The following KLF13 variants were observed in gnomAD, a reference collection of about 807,000 sequenced individuals.
KLF13 encodes Krueppel-like factor 13.
KLF13 carries 8 observed loss-of-function variants against 16.7 expected under a neutral mutation model. The ratio of observed to expected loss-of-function variants is 0.48; its 90% CI spans 0.28 to 0.87. The LOEUF (loss-of-function observed/expected upper bound fraction) is 0.87, where lower values mean the gene tolerates loss of function less well. Ranked by LOEUF, KLF13 falls within the 40% of genes least tolerant of loss-of-function variation. The pLI is 0.10. For synonymous variants in KLF13, 245 were observed against 208.4 expected (o/e 1.18, Z -1.51); for missense variants, 447 against 452.2 (o/e 0.99, Z 0.10).
chr15:31,371,100 G>A (rs753922940), intron 1 of KLF13, among the ~76,000 whole-genome samples: 23 of 152,174 alleles, frequency 1.5e-4, no homozygotes, highest in Non-Finnish European at 2.5e-4. Context: ...AGAAGGGCTC[G>A]TTTCTGGGGT....
chr15:31,335,553 G>A (rs1292545267), intron 1 of KLF13, among the ~76,000 whole-genome samples: 1 of 151,896 alleles, frequency 6.6e-6, no homozygotes, highest in African/African-American at 2.4e-5. Context: ...ACCAGTCCCT[G>A]GTTTTTACCA....
At chr15:31,403,627 G>A (rs1416148388) in exon 3 of KLF13, 1 of 152,262 alleles carries the variant, frequency 6.6e-6, no homozygotes, top group Non-Finnish European at 1.5e-5. Flanking sequence ...GGGAATGGAA[G>A]TCACACAAGG....
chr15:31,419,427 A>G (rs1248928391), intron 1 of KLF13, among the ~76,000 whole-genome samples: 2 of 152,174 alleles, frequency 1.3e-5, no homozygotes, highest in Non-Finnish European at 2.9e-5. Context: ...AATCCAGAAA[A>G]CAATGCATTA....
intron 1 of KLF13, among the ~76,000 whole-genome samples, chr15:31,369,856 A>G (rs1220531713): frequency 6.6e-6 from 1 of 152,140 alleles, no homozygotes; most frequent in African/African-American, 2.4e-5. Context: ...TCTGATGTCT[A>G]TCCCAGCCTT....
intron 1 of KLF13, among the ~76,000 whole-genome samples, chr15:31,426,201 C>G (rs755224433): frequency 7.2e-5 from 11 of 152,170 alleles, no homozygotes; most frequent in Non-Finnish European, 1.3e-4. Flanking sequence ...ATTTTTCTAT[C>G]TTTTTCTGAG....
At chr15:31,390,628 C>T (rs148587974), upstream of KLF13, among the ~76,000 whole-genome samples, 69 of 152,298 alleles carry the variant, frequency 4.5e-4, no homozygotes, top group African/African-American at 1.6e-3. Context: ...TCCTGCATTC[C>T]ACGGAGCACT....
At chr15:31,366,696 C>G (rs901264121) in intron 1 of KLF13, 1 of 80,696 alleles carries the variant, frequency 1.2e-5, no homozygotes, top group Non-Finnish European at 2.7e-5. Context: ...GGCGGGCTCA[C>G]TCCCTGAAGG....
intron 2 of KLF13, among the ~76,000 whole-genome samples, chr15:31,401,945 G>A (rs1232928392): frequency 2.0e-5 from 3 of 152,214 alleles, no homozygotes; most frequent in African/African-American, 7.2e-5. Flanking sequence ...GAGGAAGAAA[G>A]GAAACCCCAA....
intron 1 of KLF13, among the ~76,000 whole-genome samples, chr15:31,331,104 A>G (rs747454503): frequency 2.6e-5 from 4 of 152,154 alleles, no homozygotes; most frequent in Non-Finnish European, 4.4e-5. Context: ...CCCTGAATAC[A>G]TTTCTACCTA....
At chr15:31,383,089 C>T (rs547736909) in intron 1 of KLF13, among the ~76,000 whole-genome samples, 17 of 152,336 alleles carry the variant, frequency 1.1e-4, no homozygotes, top group African/African-American at 3.1e-4. Context: ...ACTTCCTCTG[C>T]ACCTCCTAAG....
intron 1 of KLF13, among the ~76,000 whole-genome samples, chr15:31,410,623 A>ACC (rs1297081519): frequency 2.1e-5 from 3 of 142,008 alleles, no homozygotes; most frequent in African/African-American, 7.8e-5. Context: ...ACACACACAC[A>ACC]CACCCCTATA....
exon 3 of KLF13, chr15:31,403,909 C>G (rs2040076551): frequency 6.6e-6 from 1 of 152,246 alleles, no homozygotes; most frequent in Non-Finnish European, 1.5e-5. Flanking sequence ...GGAGCGCCAG[C>G]TGCACTAAGG....
intron 1 of KLF13, among the ~76,000 whole-genome samples, chr15:31,433,762 CT>C (rs1315627001): frequency 6.6e-6 from 1 of 151,758 alleles, no homozygotes; most frequent in Non-Finnish European, 1.5e-5. Context: ...AGTGGTGCCC[CT>C]GTGTGGGCTG....
At chr15:31,392,178 C>A (rs1468992235), upstream of KLF13, among the ~76,000 whole-genome samples, 1 of 152,210 alleles carries the variant, frequency 6.6e-6, no homozygotes, top group Non-Finnish European at 1.5e-5. Flanking sequence ...CTGCCCACTG[C>A]GATTCCCCCA....
At chr15:31,333,579 G>T (rs1399624035) in intron 1 of KLF13, among the ~76,000 whole-genome samples, 1 of 152,028 alleles carries the variant, frequency 6.6e-6, no homozygotes, top group Non-Finnish European at 1.5e-5. Flanking sequence ...TCTAAAGAAA[G>T]AAAAATTAAT....
At chr15:31,344,459 A>G (rs2039080368) in intron 1 of KLF13, among the ~76,000 whole-genome samples, 1 of 151,062 alleles carries the variant, frequency 6.6e-6, no homozygotes, top group Non-Finnish European at 1.5e-5. Flanking sequence ...GACATTTGCC[A>G]AGCTTGGCTC....
downstream of KLF13, among the ~76,000 whole-genome samples, chr15:31,381,207 G>C (rs2039722052): frequency 6.7e-6 from 1 of 149,438 alleles, no homozygotes; most frequent in African/African-American, 2.5e-5. Context: ...TATTCCTGCT[G>C]TAACAAATTA....
chr15:31,363,931 T>A (rs10851538), intron 1 of KLF13, among the ~76,000 whole-genome samples: 125,386 of 152,218 alleles, frequency 0.82, 51,820 homozygotes, highest in South Asian at 0.9. Flanking sequence ...GGGTGGGAAG[T>A]ATGAACCCAG....
intron 1 of KLF13, among the ~76,000 whole-genome samples, chr15:31,430,938 C>T (rs2141015740): frequency 6.6e-6 from 1 of 152,306 alleles, no homozygotes. Flanking sequence ...AAGACAAGTA[C>T]ACTCATGAGC....
Sources: allele counts gnomAD v4.1 joint callset (sites outside exome capture counted in the v4.1 genomes callset), GRCh38; gene constraint gnomAD v4.1.1; transcripts MANE v1.5; gene names NCBI Gene and HGNC (gene_info 2026-07-23, HGNC 2026-07-21).